Variants in TBPL2 observed in about 807,000 individuals in gnomAD.
The protein encoded by TBPL2 is TATA-box binding protein like 2.
TBPL2 carries 40 observed loss-of-function variants against 38.2 expected under a neutral mutation model. The ratio of observed to expected loss-of-function variants is 1.05; its 90% CI spans 0.81 to 1.36. The LOEUF is 1.36. Ranked by LOEUF, TBPL2 falls within the 40% of genes most tolerant of loss-of-function variation. The pLI is 0.00. For synonymous variants in TBPL2, 169 were observed against 171.7 expected (o/e 0.98, Z 0.12); for missense variants, 461 against 456.7 (o/e 1.01, Z -0.09).
At position 55,433,633 on chromosome 14, in the gene TBPL2, T is replaced by C. The variant is rs143133633; in HGVS notation, c.785A>G (p.Lys262Arg). The change falls in exon 4 of 7, where the codon AAA becomes AGA. Residue 262 changes from lysine to arginine, a missense_variant. Coordinates refer to ENST00000247219, the Ensembl canonical transcript of TBPL2. Reference sequence around the variant, plus strand: ...GTGGAGGGATGATTCCTCATACCTTTTGGCTCCCGTGCAGACCATCTTCCC... The same window carrying C: ...GTGGAGGGATGATTCCTCATACCTTCTGGCTCCCGTGCAGACCATCTTCCC... 6.8e-6 allele frequency: 11 copies of C among 1,613,892 alleles called. No individual in the cohort carries two copies. The East Asian group carries it at 8.9e-5, about 13-fold the overall frequency.
Position 55,415,591 on chromosome 14 carries a change from G to A in TBPL2, c.1052-1136C>T, listed in dbSNP as rs536130964. Among the ~76,000 whole-genome samples the A allele has an allele frequency of 2.0e-5, 3 of 152,262 alleles. No individual in the cohort carries two copies. The East Asian group carries it at 5.8e-4, about 29-fold the overall frequency. On this transcript the variant is annotated intron_variant, in intron 6 of 6. Transcript: ENST00000247219. ...TAACAATTTATAGTGTAGGCGGGGC[G>A]TGGTGGCTCACACCTGTAATCCCAG... is the stretch of plus-strand genomic sequence containing the variant.
At chr14:55,427,664 C>A (rs576191118) in intron 5 of TBPL2, among the ~76,000 whole-genome samples, 255 of 152,164 alleles carry the variant, frequency 1.7e-3, no homozygotes, top group African/African-American at 6.0e-3. Flanking sequence ...GAGTCACCCT[C>A]CATCCCTGCT....
At chr14:55,425,423 G>T (rs1434034049) in intron 5 of TBPL2, among the ~76,000 whole-genome samples, 1 of 152,178 alleles carries the variant, frequency 6.6e-6, no homozygotes, top group African/African-American at 2.4e-5. Flanking sequence ...TTAGAAAAGA[G>T]AAAACAAAAA....
intron 6 of TBPL2, among the ~76,000 whole-genome samples, chr14:55,423,524 T>C (rs925693354): frequency 7.2e-5 from 11 of 152,238 alleles, no homozygotes. Context: ...TTCAATAACA[T>C]GTTAGAATGG....
At chr14:55,419,275 G>A (rs955766055) in intron 6 of TBPL2, among the ~76,000 whole-genome samples, 2 of 152,166 alleles carry the variant, frequency 1.3e-5, no homozygotes, top group African/African-American at 2.4e-5. Flanking sequence ...TTACAGGTGA[G>A]GAAACTTAGG....
In TBPL2 at chr14:55,440,536, CAGAGG is replaced by C; in HGVS notation, c.5_9del (p.Ala2GlyfsTer65). On this transcript the variant is annotated frameshift_variant, in exon 1 of 7. Transcript: ENST00000247219. LOFTEE classifies it high-confidence loss of function. Reference sequence around the variant, plus strand: ...CTCGGAACCCGCTCCGGCCAGGGCGCAGAGGCCATTTATGAGCCTGGGGGCAGCGA... The same window carrying C: ...CTCGGAACCCGCTCCGGCCAGGGCGCCCATTTATGAGCCTGGGGGCAGCGA... 1 of 1,604,380 alleles carries C rather than the reference CAGAGG, an allele frequency of 6.2e-7. No individual in the cohort carries two copies. Among genetic ancestry groups the C allele is most frequent in the Non-Finnish European group, 8.5e-7 (1 of 1,176,374 alleles).
chr14:55,431,766 T>C (rs1357890185), intron 4 of TBPL2, among the ~76,000 whole-genome samples: 4 of 152,218 alleles, frequency 2.6e-5, no homozygotes, highest in Non-Finnish European at 2.9e-5. Context: ...TTATCTTACA[T>C]TGAAACAAAA....
intron 2 of TBPL2, 145 bp downstream of exon 2, chr14:55,436,416 A>G (rs1335026639): frequency 4.1e-5 from 33 of 797,828 alleles, no homozygotes; most frequent in Non-Finnish European, 5.3e-5. Flanking sequence ...GTCTAAAGCC[A>G]CAATCCATTT....
chr14:55,435,872 G>A lies in TBPL2; in HGVS notation c.671C>T (p.Ala224Val), dbSNP rs1347174251. 3 of 1,567,982 alleles carry A rather than the reference G, an allele frequency of 1.9e-6. No homozygotes were observed. The East Asian group carries it at 7.1e-5, about 37-fold the overall frequency. ...CTTTGGGTTATATTCTGCATTTTTT[G>A]CATGCAAAGCTATTTTCTTCAGATC... The change falls in exon 3 of 7, where the codon GCA (alanine) becomes GTA (valine). Residue 224 changes from alanine (A) to valine (V), a missense_variant. By Grantham distance (64) the Ala-to-Val change is moderately conservative. Transcript: ENST00000247219.
At chr14:55,414,408 G>T in exon 7 of TBPL2, 1 of 1,609,070 alleles carries the variant, frequency 6.2e-7, no homozygotes, top group Non-Finnish European at 8.5e-7. Context: ...TTTAGAATAG[G>T]ATAGATGTTT....
intron 1 of TBPL2, among the ~76,000 whole-genome samples, chr14:55,438,442 G>A (rs1333686832): frequency 6.6e-6 from 1 of 152,146 alleles, no homozygotes; most frequent in Admixed American, 6.6e-5. Flanking sequence ...AAGTGAGATG[G>A]GGACAATGGG....
chr14:55,439,509 G>C (rs1445098350), intron 1 of TBPL2, among the ~76,000 whole-genome samples: 3 of 151,384 alleles, frequency 2.0e-5, no homozygotes, highest in Non-Finnish European at 4.4e-5. Context: ...CAGGCGGGGG[G>C]CCAGGAGTGG....
chr14:55,420,913 T>C (rs1191142785), intron 6 of TBPL2, among the ~76,000 whole-genome samples: 1 of 151,782 alleles, frequency 6.6e-6, no homozygotes, highest in East Asian at 1.9e-4. Context: ...CAAAAAAAAT[T>C]AGCTGGGCAT....
chr14:55,435,865 A>G, exon 3 of TBPL2: 1 of 1,569,726 alleles, frequency 6.4e-7, no homozygotes, highest in Non-Finnish European at 8.6e-7. Flanking sequence ...TATATTCTGC[A>G]TTTTTTGCAT....
chr14:55,427,827 CTA>C (rs746095750), intron 5 of TBPL2, among the ~76,000 whole-genome samples: 34 of 133,076 alleles, frequency 2.6e-4, no homozygotes, highest in African/African-American at 9.6e-4. Flanking sequence ...CGGGCTGCAG[CTA>C]TATACACACA....
chr14:55,424,240 G>A (rs987368805), exon 6 of TBPL2: 1 of 1,611,366 alleles, frequency 6.2e-7, no homozygotes, highest in South Asian at 1.1e-5. Flanking sequence ...CCAGGAAACA[G>A]TTCAGGCTCG....
intron 3 of TBPL2, among the ~76,000 whole-genome samples, chr14:55,434,987 A>C (rs1195056823): frequency 6.6e-6 from 1 of 152,200 alleles, no homozygotes; most frequent in Non-Finnish European, 1.5e-5. Context: ...TGACAAACCC[A>C]ATTACCCTAG....
Position 55,421,927 on chromosome 14 carries a change from T to C in TBPL2, c.1051+2232A>G, listed in dbSNP as rs183218951. 4.3e-3 allele frequency among the ~76,000 whole-genome samples: 656 copies of C among 152,350 alleles called. 4 individuals carry two copies. The highest frequency in any genetic ancestry group is 0.031 in the Middle Eastern group (9 of 294). On this transcript the variant is annotated intron_variant, in intron 6 of 6. Transcript: ENST00000247219. ...CAGGTAATATAAAAGTCTCAATTTTTTTAGATGAGGCAAGATTTTATAAAA... is the reference window on the plus strand; with the variant it reads ...CAGGTAATATAAAAGTCTCAATTTTCTTAGATGAGGCAAGATTTTATAAAA...
At chr14:55,439,623 C>CCG (rs1555344754) in intron 1 of TBPL2, among the ~76,000 whole-genome samples, 3 of 136,742 alleles carry the variant, frequency 2.2e-5, no homozygotes, top group African/African-American at 8.0e-5. Context: ...AACCCCCCCC[C>CCG]GTCTCTACTA....
Sources: allele counts gnomAD v4.1 joint callset (sites outside exome capture counted in the v4.1 genomes callset), GRCh38; gene constraint gnomAD v4.1.1; transcripts MANE v1.5; gene names NCBI Gene and HGNC (gene_info 2026-07-23, HGNC 2026-07-21).